Variants in ESR2 observed in about 807,000 individuals in gnomAD.
The protein encoded by ESR2 is estrogen receptor beta.
Under a neutral mutation model 49.6 loss-of-function variants are expected in ESR2, and 36 were observed. That is an observed-to-expected ratio of 0.73 (90% CI 0.56 to 0.96). The LOEUF is 0.96. Ranked by LOEUF, ESR2 falls within the 40% of genes least tolerant of loss-of-function variation. The pLI is 0.00. For missense variants in ESR2, 714 were observed against 693.0 expected (o/e 1.03, Z -0.34); for synonymous variants, 320 against 266.1 (o/e 1.20, Z -1.97).
At chr14:64,301,242 C>G (rs1045714987) in intron 1 of ESR2, 54 of 152,184 alleles carry the variant, frequency 3.5e-4, no homozygotes, top group African/African-American at 1.3e-3. Context: ...ATGCCTGTTG[C>G]AAATGATAAG....
At chr14:64,292,780 A>T (rs2140848729) in intron 1 of ESR2, among the ~76,000 whole-genome samples, 1 of 152,308 alleles carries the variant, frequency 6.6e-6, no homozygotes, top group African/African-American at 2.4e-5. Flanking sequence ...ATTAAATGTT[A>T]ATTATATGGT....
Position 64,305,437 on chromosome 14 carries a change from A to G in ESR2, c.-90-22362T>C, listed in dbSNP as rs1011070009. ...TGTAATCCCAGCACTTTGGGAGGCC[A>G]AGGCGGGCGGATCACGAGGTCAGGA... is the stretch of plus-strand genomic sequence containing the variant. On this transcript the variant is annotated intron_variant, in intron 1 of 8. Coordinates refer to the ESR2 transcript ENST00000358599. 1.2e-3 allele frequency among the ~76,000 whole-genome samples: 174 copies of G among 149,768 alleles called. 1 individual carries two copies. Among genetic ancestry groups the G allele is most frequent in the Middle Eastern group, 3.6e-3 (1 of 276 alleles).
At chr14:64,283,804 T>C (rs2076734498) in intron 1 of ESR2, among the ~76,000 whole-genome samples, 1 of 148,646 alleles carries the variant, frequency 6.7e-6, no homozygotes, top group Admixed American at 6.7e-5. Flanking sequence ...AAAAAGTTTT[T>C]AAAAGAAAGA....
chr14:64,291,286 C>G (rs1281434973), intron 1 of ESR2, among the ~76,000 whole-genome samples: 1 of 152,176 alleles, frequency 6.6e-6, no homozygotes, highest in Non-Finnish European at 1.5e-5. Flanking sequence ...ATCTATCTTT[C>G]TAGGTCACCC....
At chr14:64,242,480 T>C (rs1198366101) in intron 7 of ESR2, among the ~76,000 whole-genome samples, 1 of 150,730 alleles carries the variant, frequency 6.6e-6, no homozygotes, top group East Asian at 1.9e-4. Context: ...AATCATATGG[T>C]TTTTCATTAT....
At chr14:64,266,773 G>A (rs2140753248) in intron 4 of ESR2, among the ~76,000 whole-genome samples, 1 of 152,252 alleles carries the variant, frequency 6.6e-6, no homozygotes, top group Admixed American at 6.5e-5. Flanking sequence ...AAAGAATTCT[G>A]AATTCAGGAT....
intron 4 of ESR2, among the ~76,000 whole-genome samples, chr14:64,265,345 G>C (rs2076307530): frequency 1.3e-5 from 2 of 152,182 alleles, no homozygotes; most frequent in Admixed American, 1.3e-4. Context: ...ATTGCATATT[G>C]CACATGTCCT....
At position 64,318,513 on chromosome 14, in the gene ESR2, G is replaced by A. The variant is rs2077284809; in HGVS notation, c.-91+19385C>T. Among the ~76,000 whole-genome samples the A allele has an allele frequency of 7.1e-5, 8 of 112,932 alleles. No individual in the cohort carries two copies. In the Admixed American group the frequency reaches 8.2e-4, roughly 12 times the overall value. 74.1% of individuals were successfully genotyped at this position (112,932 alleles called of 152,430 possible). A position where few individuals can be genotyped will look rare whatever the true frequency, so the allele number is the denominator to read the frequency against. On this transcript the variant is annotated intron_variant, in intron 1 of 8. Coordinates refer to the ESR2 transcript ENST00000358599. ...GATCGTGCCACCACACTCTAGCCTG[G>A]GCGACAAGAACGAAACTCCATCTCA...
intron 1 of ESR2, among the ~76,000 whole-genome samples, chr14:64,321,162 C>T (rs1169237356): frequency 2.6e-5 from 4 of 151,892 alleles, no homozygotes; most frequent in African/African-American, 9.7e-5. Context: ...AAAAACAATG[C>T]TAATTTTAAA....
chr14:64,319,641 G>A (rs1439958503), intron 1 of ESR2, among the ~76,000 whole-genome samples: 2 of 152,106 alleles, frequency 1.3e-5, no homozygotes, highest in Non-Finnish European at 2.9e-5. Flanking sequence ...TCTCATCAAA[G>A]AAGATATACA....
At chr14:64,280,206 G>T in intron 2 of ESR2, 53 bp from the exon 3 acceptor site, 2 of 1,324,008 alleles carry the variant, frequency 1.5e-6, no homozygotes, top group South Asian at 1.2e-5. Flanking sequence ...GAAAGGAAGG[G>T]CTTTCTAGGA....
At chr14:64,265,473 C>G (rs2076310212) in intron 4 of ESR2, among the ~76,000 whole-genome samples, 1 of 152,210 alleles carries the variant, frequency 6.6e-6, no homozygotes. Flanking sequence ...GAAGCAGGAT[C>G]TAAACCCAAG....
chr14:64,305,549 T>C (rs570456938), intron 1 of ESR2, among the ~76,000 whole-genome samples: 1 of 151,566 alleles, frequency 6.6e-6, no homozygotes, highest in South Asian at 2.1e-4. Context: ...CGGACACCTG[T>C]AGTCTCAGCT....
At chr14:64,242,928 G>A (rs2075769628) in intron 7 of ESR2, among the ~76,000 whole-genome samples, 1 of 152,214 alleles carries the variant, frequency 6.6e-6, no homozygotes, top group South Asian at 2.1e-4. Context: ...CATCTCATGT[G>A]GCGGCAGACA....
At chr14:64,270,424 G>A (rs912197373) in intron 3 of ESR2, among the ~76,000 whole-genome samples, 6 of 152,166 alleles carry the variant, frequency 3.9e-5, no homozygotes, top group South Asian at 4.1e-4. Context: ...TTGTTTGAGC[G>A]CTGGTTACAC....
rs2076284265 is a variant in ESR2 at position 64,264,482 on chromosome 14, C to T, written c.653-3734G>A. On this transcript the variant is annotated intron_variant, in intron 4 of 8. Transcript: ENST00000341099. ...TGTTTTTCTTAATTTTTTTAATATA[C>T]TTTAGGTTCTGGGATACATGTGCAG... Among the ~76,000 whole-genome samples the T allele has an allele frequency of 3.9e-5, 6 of 151,944 alleles. No homozygotes were observed. In the South Asian group the frequency reaches 1.2e-3, roughly 32 times the overall value.
At chr14:64,275,168 G>A (rs1370662733) in intron 3 of ESR2, among the ~76,000 whole-genome samples, 1 of 152,188 alleles carries the variant, frequency 6.6e-6, no homozygotes, top group Admixed American at 6.5e-5. Context: ...GTGTCTGGAT[G>A]ATCTGTTCGA....
intron 1 of ESR2, among the ~76,000 whole-genome samples, chr14:64,306,623 A>G (rs138731501): frequency 1.1e-3 from 172 of 152,368 alleles, no homozygotes; most frequent in African/African-American, 3.9e-3. Context: ...TATGCCTGAA[A>G]TAAACTCCGG....
At chr14:64,328,471 C>T (rs1350220208) in intron 1 of ESR2, among the ~76,000 whole-genome samples, 1 of 152,028 alleles carries the variant, frequency 6.6e-6, no homozygotes, top group East Asian at 1.9e-4. Context: ...TTCCAATAGT[C>T]CCAAGAGGGT....
Sources: gnomAD v4.1 joint callset for allele counts (sites outside exome capture counted in the v4.1 genomes callset) on GRCh38, gnomAD v4.1.1 for gene constraint, MANE v1.5 for transcripts, NCBI Gene and HGNC (gene_info 2026-07-23, HGNC 2026-07-21) for gene names.